CYTH3: variants seen among roughly 807,000 people sequenced by gnomAD.
The protein encoded by CYTH3 is cytohesin-3.
A neutral mutation model predicts 55.1 loss-of-function variants in CYTH3; 23 were observed. That is an observed-to-expected ratio of 0.42 (90% CI 0.30 to 0.59). The LOEUF is 0.59. CYTH3 is among the 20% of genes least tolerant of loss of function. The pLI, the probability that CYTH3 is intolerant of heterozygous loss-of-function variation, is 0.20. For synonymous variants in CYTH3, 249 were observed against 194.9 expected, an observed-to-expected ratio of 1.28 and a Z score of -2.31; for missense variants, 413 against 524.8, an observed-to-expected ratio of 0.79 and a Z score of 2.08.
intron 1 of CYTH3, among the ~76,000 whole-genome samples, chr7:6,265,298 T>C (rs2115066765): frequency 6.6e-6 from 1 of 151,494 alleles, no homozygotes; most frequent in South Asian, 2.1e-4. Context: ...CCTATGAGGT[T>C]TACTATCCGG....
chr7:6,165,137 G>T, intron 12 of CYTH3, 121 bp from the exon 13 acceptor site: 1 of 1,561,310 alleles, frequency 6.4e-7, no homozygotes, highest in Non-Finnish European at 8.7e-7. Context: ...GTCGGCTTTG[G>T]CAGCCCGGCC....
chr7:6,213,896 G>A (rs144633390), intron 1 of CYTH3, among the ~76,000 whole-genome samples: 49 of 152,236 alleles, frequency 3.2e-4, no homozygotes, highest in African/African-American at 1.0e-3. Context: ...TGAAGTTTCA[G>A]TGCTTCTCAG....
At position 6,167,944 on chromosome 7, in the gene CYTH3, G is replaced by C. The variant is rs902311163; in HGVS notation, c.824-2134C>G. Among the ~76,000 whole-genome samples the C allele has an allele frequency of 5.9e-5, 9 of 152,198 alleles. No homozygotes were observed. The highest frequency in any genetic ancestry group is 1.9e-4 in the African/African-American group (8 of 41,454). On this transcript the variant is annotated intron_variant, in intron 9 of 12. Coordinates refer to ENST00000350796, the MANE Select transcript of CYTH3 (RefSeq NM_004227.4). The surrounding 1 kb of genome is among the most constrained non-coding windows in gnomAD (Gnocchi z 5.5). The stretch of plus-strand genomic sequence containing the variant: ...CATCCCTGTCCAGTCCTCAGGGCCA[G>C]GGGGTCGTTGCAGACCAGGACTGCA...
chr7:6,176,654 T>C (rs964587443), intron 5 of CYTH3, among the ~76,000 whole-genome samples: 1 of 152,366 alleles, frequency 6.6e-6, no homozygotes, highest in African/African-American at 2.4e-5. Flanking sequence ...ATTCTATATA[T>C]ATGATTGCAT....
chr7:6,263,006 T>C (rs557723768), intron 1 of CYTH3, among the ~76,000 whole-genome samples: 1 of 152,174 alleles, frequency 6.6e-6, no homozygotes, highest in Non-Finnish European at 1.5e-5. Context: ...CCCCTGTTCA[T>C]TAAGCAACAC....
chr7:6,270,112 T>A (rs970946219), intron 1 of CYTH3, among the ~76,000 whole-genome samples: 1 of 152,222 alleles, frequency 6.6e-6, no homozygotes, highest in African/African-American at 2.4e-5. Flanking sequence ...CATTTAAAAA[T>A]CTAAAAGGTA....
intron 1 of CYTH3, among the ~76,000 whole-genome samples, chr7:6,211,916 G>A (rs528271740): frequency 1.5e-3 from 230 of 152,276 alleles, no homozygotes; most frequent in African/African-American, 5.2e-3. Flanking sequence ...AACCCAGGAG[G>A]TGAAGGTTGC....
chr7:6,202,765 T>C (rs1029877713), intron 1 of CYTH3, among the ~76,000 whole-genome samples: 3 of 152,208 alleles, frequency 2.0e-5, no homozygotes, highest in African/African-American at 4.8e-5. Context: ...AGCCAGGCCA[T>C]TGCTGTTTTA....
chr7:6,174,219 A>G (rs1783274689), intron 5 of CYTH3, among the ~76,000 whole-genome samples: 1 of 149,514 alleles, frequency 6.7e-6, no homozygotes, highest in African/African-American at 2.5e-5. Flanking sequence ...GTTCGAAGCG[A>G]CTCTCCTGCC....
At chr7:6,257,387 T>C (rs1780156072) in intron 1 of CYTH3, among the ~76,000 whole-genome samples, 1 of 152,238 alleles carries the variant, frequency 6.6e-6, no homozygotes, top group African/African-American at 2.4e-5. Context: ...AAGGACATTC[T>C]TGATTATTTT....
At chr7:6,226,969 A>G (rs1043482250) in intron 1 of CYTH3, among the ~76,000 whole-genome samples, 2 of 151,968 alleles carry the variant, frequency 1.3e-5, no homozygotes, top group Non-Finnish European at 2.9e-5. Flanking sequence ...AGTCCCAGCT[A>G]CTCAGGAGGC....
intron 10 of CYTH3, 23 bp from the exon 11 acceptor site, chr7:6,165,639 G>A (rs776614433): frequency 3.3e-5 from 54 of 1,613,124 alleles, no homozygotes; most frequent in Non-Finnish European, 3.7e-5. Context: ...AGTACACGGC[G>A]GGGCTCACTG....
At chr7:6,209,596 AGCAACT>A (rs1350946345) in intron 1 of CYTH3, among the ~76,000 whole-genome samples, 2 of 152,230 alleles carry the variant, frequency 1.3e-5, no homozygotes, top group Non-Finnish European at 2.9e-5. Context: ...AATACGATCC[AGCAACT>A]GCCCTCCTTG....
intron 2 of CYTH3, among the ~76,000 whole-genome samples, 169 bp from the exon 3 acceptor site, chr7:6,187,890 GCCA>G (rs1422662920): frequency 2.6e-5 from 4 of 152,112 alleles, no homozygotes; most frequent in Admixed American, 2.6e-4. Flanking sequence ...CATAGTCAAA[GCCA>G]CCACAACTTA....
chr7:6,208,786 C>G (rs1381225853), intron 1 of CYTH3, among the ~76,000 whole-genome samples: 2 of 152,200 alleles, frequency 1.3e-5, no homozygotes, highest in Non-Finnish European at 2.9e-5. Flanking sequence ...CTCAGCCTCC[C>G]AAGGTGTTGG....
Position 6,165,358 on chromosome 7 carries a change from C to G in CYTH3, c.1042G>C (p.Gly348Arg). Residue 348 changes from glycine to arginine, a missense_variant, in exon 12 of 13, where the codon GGC (glycine) becomes CGC (arginine). Around this residue, in one of 4 missense-constraint regions of CYTH3, gnomAD observed 98 missense variants for 115.2 expected, o/e 0.85. Transcript: ENST00000350796. ...ACATGGTTCCCCTCTACCACGCGGC[C>G]GTCGGCCTCAGTCTTACAGGCCTTG... ...VIKACKTEAD[G>R]RVVEGNHVVY... The G allele has an allele frequency of 6.2e-7, 1 of 1,614,154 alleles. No homozygotes were observed.
intron 1 of CYTH3, among the ~76,000 whole-genome samples, chr7:6,251,924 A>C (rs927034894): frequency 6.6e-6 from 1 of 152,196 alleles, no homozygotes; most frequent in Non-Finnish European, 1.5e-5. Context: ...AATGTGAAAA[A>C]AGAAAAACAA....
At chr7:6,191,644 G>A (rs543634973) in intron 1 of CYTH3, among the ~76,000 whole-genome samples, 239 of 141,332 alleles carry the variant, frequency 1.7e-3, no homozygotes, top group African/African-American at 5.8e-3. Flanking sequence ...CACCCTGGCT[G>A]GAGTGCAGTG....
In CYTH3 at chr7:6,272,603, G is replaced by T. The variant is rs889247871; in HGVS notation, c.-96C>A. 1.8e-5 allele frequency: 18 copies of T among 978,836 alleles called. No individual in the cohort carries two copies. The highest frequency in any genetic ancestry group is 9.5e-5 in the South Asian group (2 of 21,160). The allele number at this position is 978,836 out of a possible 1,614,324, so 60.6% of individuals were successfully genotyped here. ...GGAGGGAGCGCGCAGGCGACCGGGC[G>T]GCTCCTCAGCGCGCGGCCCGGGTCG... On this transcript the variant is annotated 5_prime_UTR_variant, in exon 1 of 13. Coordinates refer to ENST00000350796, the MANE Select transcript of CYTH3 (RefSeq NM_004227.4).
Sources: gnomAD v4.1 joint callset for allele counts (sites outside exome capture counted in the v4.1 genomes callset) on GRCh38, gnomAD v4.1.1 for gene constraint, gnomAD v4.1.1 regional missense constraint, Gnocchi (gnomAD v3.1) non-coding constraint, MANE v1.5 for transcripts, NCBI Gene and HGNC (gene_info 2026-07-23, HGNC 2026-07-21) for gene names.